EYA4: variants seen among roughly 807,000 people sequenced by gnomAD.
The protein encoded by EYA4 is protein phosphatase EYA4.
Under a neutral mutation model 87.9 loss-of-function variants are expected in EYA4, and 31 were observed. The observed-to-expected ratio is 0.35, with a 90% confidence interval of 0.27 to 0.48. The LOEUF (loss-of-function observed/expected upper bound fraction) is 0.48, where lower values mean the gene tolerates loss of function less well. Among genes scored for constraint, EYA4 ranks in the 20% least tolerant of loss-of-function variants. The pLI, the probability that EYA4 is intolerant of heterozygous loss-of-function variation, is 0.99. For missense variants in EYA4, 678 were observed against 761.4 expected (o/e 0.89, Z 1.29); for synonymous variants, 263 against 270.6 (o/e 0.97, Z 0.28).
At chr6:133,367,096 A>G (rs1784907434) in intron 2 of EYA4, among the ~76,000 whole-genome samples, 1 of 152,218 alleles carries the variant, frequency 6.6e-6, no homozygotes, top group African/African-American at 2.4e-5. Context: ...GGTGCTTGAT[A>G]GATTACTAGA....
intron 2 of EYA4, among the ~76,000 whole-genome samples, chr6:133,378,930 T>TGTGG (rs1785935298): frequency 8.6e-6 from 1 of 116,520 alleles, no homozygotes; most frequent in Non-Finnish European, 2.1e-5. Context: ...TGTCTTGGTG[T>TGTGG]GTGTGTGTGT....
chr6:133,464,891 A>G (rs1794714002), intron 10 of EYA4, 33 bp downstream of exon 10: 5 of 1,456,416 alleles, frequency 3.4e-6, no homozygotes, highest in South Asian at 1.1e-5. Context: ...TGCTTTTTAT[A>G]TGTATTTCAG....
intron 1 of EYA4, chr6:133,247,009 ATTTTG>A (rs985495785): frequency 2.6e-5 from 4 of 152,090 alleles, no homozygotes; most frequent in African/African-American, 9.7e-5. Context: ...GTACCTGAAC[ATTTTG>A]TTTTAATAAT....
Position 133,462,746 on chromosome 6 carries a change from T to C in EYA4, c.706T>C (p.Tyr236His), listed in dbSNP as rs1794511758. ...TACCCCACAGCCAGGCCAGACACCTTATTCTTACCAAATGCCAGGTAAGTA... is the reference window on the plus strand; with the variant it reads ...TACCCCACAGCCAGGCCAGACACCTCATTCTTACCAAATGCCAGGTAAGTA... ...FSTPQPGQTP[Y>H]SYQMPGSSFA... Residue 236 changes from tyrosine to histidine, a missense_variant, in exon 9 of 20, where the codon TAT becomes CAT. Transcript: ENST00000355286. 4 of 1,613,898 alleles carry C rather than the reference T, an allele frequency of 2.5e-6. No individual in the cohort carries two copies. Among genetic ancestry groups the C allele is most frequent in the Non-Finnish European group, 3.4e-6 (4 of 1,179,860 alleles).
intron 2 of EYA4, among the ~76,000 whole-genome samples, chr6:133,365,471 ATTATTT>A (rs767033053): frequency 2.6e-5 from 4 of 152,216 alleles, no homozygotes; most frequent in Middle Eastern, 3.4e-3. Flanking sequence ...CCATCGAAAG[ATTATTT>A]TTATTACTTA....
intron 3 of EYA4, among the ~76,000 whole-genome samples, chr6:133,400,958 A>G (rs1788209874): frequency 1.3e-5 from 2 of 152,112 alleles, no homozygotes; most frequent in Non-Finnish European, 2.9e-5. Flanking sequence ...AAGGTTTCCT[A>G]TTTTCTCCTG....
chr6:133,443,468 C>G (rs527993794), intron 3 of EYA4, among the ~76,000 whole-genome samples: 73 of 152,028 alleles, frequency 4.8e-4, no homozygotes, highest in Non-Finnish European at 7.7e-4. Context: ...ATTGGTATCT[C>G]TCATGATCAT....
intron 3 of EYA4, among the ~76,000 whole-genome samples, chr6:133,441,211 C>T (rs1792250141): frequency 6.6e-6 from 1 of 152,150 alleles, no homozygotes; most frequent in Non-Finnish European, 1.5e-5. Flanking sequence ...TTTGCATTGG[C>T]CCAGCTTCAG....
chr6:133,316,027 AG>A (rs1780594458), intron 2 of EYA4, among the ~76,000 whole-genome samples: 1 of 152,156 alleles, frequency 6.6e-6, no homozygotes, highest in Non-Finnish European at 1.5e-5. Context: ...GCTTTCCCGT[AG>A]GGCATCCCGC....
At chr6:133,411,792 G>C (rs747120979) in intron 3 of EYA4, among the ~76,000 whole-genome samples, 4 of 152,086 alleles carry the variant, frequency 2.6e-5, no homozygotes, top group East Asian at 1.9e-4. Flanking sequence ...ATAATTCATT[G>C]AATATATTTG....
At position 133,295,544 on chromosome 6, in the gene EYA4, A is replaced by C. The variant is rs552249725; in HGVS notation, c.33+20731A>C. Among the ~76,000 whole-genome samples the C allele has an allele frequency of 1.4e-3, 216 of 152,360 alleles. 2 individuals are homozygous for C. The highest frequency in any genetic ancestry group is 8.1e-3 in the South Asian group (39 of 4,826). ...ACTAATTATAAACCACAGTGATTAT[A>C]TATGACATAATTTTTCATAGATACT... On this transcript the variant is annotated intron_variant, in intron 2 of 19. Transcript: ENST00000355286.
At chr6:133,425,031 A>G (rs1383460061) in intron 3 of EYA4, among the ~76,000 whole-genome samples, 1 of 150,716 alleles carries the variant, frequency 6.6e-6, no homozygotes, top group Non-Finnish European at 1.5e-5. Context: ...GTAAGTGTGT[A>G]TCAATGGGTC....
intron 14 of EYA4, chr6:133,507,123 A>G (rs1798706166): frequency 6.6e-6 from 1 of 152,176 alleles, no homozygotes. Context: ...TGTTCTAGAT[A>G]TTTTATGTTG....
chr6:133,426,776 C>T (rs1377245738), intron 3 of EYA4, among the ~76,000 whole-genome samples: 2 of 152,168 alleles, frequency 1.3e-5, no homozygotes, highest in Admixed American at 1.3e-4. Context: ...TACCCTTGTC[C>T]TCTCTTCCCA....
At chr6:133,289,762 G>T (rs9402500) in intron 2 of EYA4, among the ~76,000 whole-genome samples, 27,247 of 151,116 alleles carry the variant, frequency 0.18, 2,906 homozygotes, top group East Asian at 0.42. Flanking sequence ...CTTGAAATTC[G>T]GTGGCTTCAT....
intron 3 of EYA4, among the ~76,000 whole-genome samples, chr6:133,402,113 C>A (rs915316193): frequency 1.3e-5 from 2 of 151,910 alleles, no homozygotes; most frequent in African/African-American, 4.8e-5. Context: ...CAGCAAAAAC[C>A]CATATTTTTA....
chr6:133,530,951 C>A lies in EYA4; in HGVS notation c.*2146C>A, dbSNP rs1800974170. 4 of 1,221,396 alleles carry A rather than the reference C, an allele frequency of 3.3e-6. No individual in the cohort carries two copies. Among genetic ancestry groups the A allele is most frequent in the Non-Finnish European group, 4.1e-6 (4 of 977,964 alleles). 75.7% of individuals were successfully genotyped at this position (1,221,396 alleles called of 1,614,324 possible). A position where few individuals can be genotyped will look rare whatever the true frequency, so the allele number is the denominator to read the frequency against. On this transcript the variant is annotated 3_prime_UTR_variant, in exon 20 of 20. Coordinates refer to ENST00000355286, the MANE Select transcript of EYA4 (RefSeq NM_004100.5). Reference sequence around the variant, plus strand: ...TATCAGTACTTAATTATGTTGTGCACTAAAACCTTAAATATTTATTACTGT... The same window carrying A: ...TATCAGTACTTAATTATGTTGTGCAATAAAACCTTAAATATTTATTACTGT...
chr6:133,499,541 T>C (rs3777876), intron 13 of EYA4, among the ~76,000 whole-genome samples: 5,503 of 152,284 alleles, frequency 0.036, 271 homozygotes, highest in African/African-American at 0.11. Flanking sequence ...CCCTTCATCA[T>C]ACAATTTAAG....
intron 2 of EYA4, among the ~76,000 whole-genome samples, chr6:133,302,686 G>T (rs1321253787): frequency 6.6e-6 from 1 of 151,976 alleles, no homozygotes; most frequent in Non-Finnish European, 1.5e-5. Context: ...GTCTCAAATT[G>T]GTATAAGTTT....
Sources: gnomAD v4.1 joint callset for allele counts (sites outside exome capture counted in the v4.1 genomes callset) on GRCh38, gnomAD v4.1.1 for gene constraint, MANE v1.5 for transcripts, NCBI Gene and HGNC (gene_info 2026-07-23, HGNC 2026-07-21) for gene names.